Variants in DOCK2 observed in about 807,000 individuals in gnomAD.
The protein encoded by DOCK2 is dedicator of cytokinesis protein 2.
In DOCK2, 87 loss-of-function variants were observed where a neutral mutation model predicts 248.9. That is an observed-to-expected ratio of 0.35 (90% CI 0.29 to 0.42). The LOEUF is 0.42. DOCK2 is among the 10% of genes least tolerant of loss of function. The pLI is 1.00. For missense variants in DOCK2, 1,747 were observed against 2,300.2 expected (o/e 0.76, Z 4.92); for synonymous variants, 805 against 821.6 (o/e 0.98, Z 0.35).
chr5:169,998,624 A>T (rs1235375962), intron 30 of DOCK2, among the ~76,000 whole-genome samples: 2 of 152,208 alleles, frequency 1.3e-5, no homozygotes, highest in African/African-American at 4.8e-5. Context: ...AGGAAGTAAG[A>T]CTCAGAGATA....
intron 25 of DOCK2, among the ~76,000 whole-genome samples, chr5:169,780,725 G>A (rs891667425): frequency 3.3e-5 from 5 of 152,108 alleles, no homozygotes; most frequent in African/African-American, 7.2e-5. Context: ...TGGTAATATC[G>A]TCTATTGAAG....
intron 27 of DOCK2, among the ~76,000 whole-genome samples, chr5:169,892,140 A>T (rs908885062): frequency 6.6e-6 from 1 of 152,218 alleles, no homozygotes; most frequent in Non-Finnish European, 1.5e-5. Context: ...TCCAAGCTTA[A>T]GCACAATTCC....
chr5:169,939,052 C>T (rs962792895), intron 27 of DOCK2, among the ~76,000 whole-genome samples: 2 of 151,354 alleles, frequency 1.3e-5, no homozygotes, highest in African/African-American at 2.4e-5. Context: ...TACAGGCATG[C>T]ACCACCACGC....
chr5:170,018,706 A>C (rs1294733555), intron 32 of DOCK2, among the ~76,000 whole-genome samples: 2 of 152,220 alleles, frequency 1.3e-5, no homozygotes, highest in Admixed American at 6.5e-5. Flanking sequence ...TAAACAGTGA[A>C]GTGCTTTCTA....
At chr5:169,823,017 T>C (rs1345523989) in intron 26 of DOCK2, among the ~76,000 whole-genome samples, 1 of 152,168 alleles carries the variant, frequency 6.6e-6, no homozygotes, top group Non-Finnish European at 1.5e-5. Flanking sequence ...CTAGAAAATC[T>C]AGAAGAAATG....
chr5:169,708,704 A>G (rs551662033), intron 15 of DOCK2, among the ~76,000 whole-genome samples: 23 of 152,112 alleles, frequency 1.5e-4, no homozygotes, highest in Admixed American at 1.3e-3. Context: ...AGTTGGGATT[A>G]CAAGCGTGTG....
At chr5:170,079,173 C>G (rs760007269) in intron 49 of DOCK2, 27 bp downstream of exon 49, 35 of 1,607,256 alleles carry the variant, frequency 2.2e-5, no homozygotes, top group Non-Finnish European at 2.9e-5. Flanking sequence ...GATTGCCTCT[C>G]CAGCGCTGTT....
chr5:170,056,614 T>C, intron 42 of DOCK2, 70 bp from the exon 43 acceptor site: 5 of 1,316,788 alleles, frequency 3.8e-6, no homozygotes, highest in Non-Finnish European at 5.5e-6. Flanking sequence ...CCCTGGACAG[T>C]GCAGGGTCAG....
chr5:169,695,774 T>A, intron 9 of DOCK2, 29 bp from the exon 10 acceptor site: 1 of 1,612,590 alleles, frequency 6.2e-7, no homozygotes, highest in South Asian at 1.1e-5. Flanking sequence ...CAGCACATGA[T>A]GGTCAATTTT....
At chr5:169,744,695 T>TC (rs1393393024) in intron 22 of DOCK2, among the ~76,000 whole-genome samples, 2 of 152,054 alleles carry the variant, frequency 1.3e-5, no homozygotes, top group African/African-American at 4.8e-5. Context: ...TCATGACCCT[T>TC]CCCCCTGGAG....
At chr5:169,716,899 T>G (rs1435685782) in intron 20 of DOCK2, among the ~76,000 whole-genome samples, 1 of 152,196 alleles carries the variant, frequency 6.6e-6, no homozygotes, top group Non-Finnish European at 1.5e-5. Context: ...TGTTAACCCC[T>G]TGTGTCATGG....
intron 14 of DOCK2, chr5:169,702,693 GTATGTATTTATT>G: frequency 8.4e-6 from 2 of 237,320 alleles, no homozygotes; most frequent in African/African-American, 5.0e-5. Context: ...ATGTATGTAT[GTATGTATTTATT>G]TATTTATTTA....
At chr5:169,888,393 G>C (rs1487952299) in intron 27 of DOCK2, among the ~76,000 whole-genome samples, 4 of 152,118 alleles carry the variant, frequency 2.6e-5, no homozygotes, top group Non-Finnish European at 5.9e-5. Flanking sequence ...AATTATTACT[G>C]ATCTTTGCAA....
At chr5:169,912,140 A>G (rs2063915477) in intron 27 of DOCK2, among the ~76,000 whole-genome samples, 4 of 152,248 alleles carry the variant, frequency 2.6e-5, no homozygotes, top group Admixed American at 2.6e-4. Flanking sequence ...GTATAAAAAA[A>G]GGAAAGCGAC....
chr5:169,923,989 C>T (rs919272662), intron 27 of DOCK2, among the ~76,000 whole-genome samples: 5 of 152,192 alleles, frequency 3.3e-5, no homozygotes, highest in Admixed American at 6.5e-5. Flanking sequence ...GGATTAATAA[C>T]GTTTATCATT....
At chr5:169,723,720 C>T (rs1762324117) in intron 22 of DOCK2, among the ~76,000 whole-genome samples, 1 of 152,130 alleles carries the variant, frequency 6.6e-6, no homozygotes, top group Admixed American at 6.5e-5. Flanking sequence ...TCTTTCACTA[C>T]CCTATTTAAA....
chr5:170,049,392 C>T (rs895584289), intron 40 of DOCK2, among the ~76,000 whole-genome samples: 16 of 152,208 alleles, frequency 1.1e-4, no homozygotes, highest in Admixed American at 2.0e-4. Context: ...GGATTACAGG[C>T]GTGAGCCACC....
At chr5:169,669,423 A>T (rs985071150) in intron 3 of DOCK2, 95 bp downstream of exon 3, 12 of 1,370,364 alleles carry the variant, frequency 8.8e-6, no homozygotes, top group African/African-American at 1.4e-5. Context: ...ATTGCTCCTC[A>T]GCAAAGGGAA....
chr5:169,872,185 A>G (rs1269459076), intron 27 of DOCK2, among the ~76,000 whole-genome samples: 3 of 152,174 alleles, frequency 2.0e-5, no homozygotes, highest in Non-Finnish European at 4.4e-5. Flanking sequence ...CCCTGTTTCT[A>G]CAGAACCCAG....
Sources: allele counts gnomAD v4.1 joint callset (sites outside exome capture counted in the v4.1 genomes callset), GRCh38; gene constraint gnomAD v4.1.1; transcripts MANE v1.5; gene names NCBI Gene and HGNC (gene_info 2026-07-23, HGNC 2026-07-21).